Variants in ZSCAN25 observed in about 807,000 individuals in gnomAD.
The protein encoded by ZSCAN25 is zinc finger and SCAN domain-containing protein 25.
In ZSCAN25, 27 loss-of-function variants were observed where a neutral mutation model predicts 38.7. That is an observed-to-expected ratio of 0.70 (90% CI 0.51 to 0.96). The LOEUF (loss-of-function observed/expected upper bound fraction) is 0.96. Ranked by LOEUF, ZSCAN25 falls within the 40% of genes least tolerant of loss-of-function variation. The probability of loss-of-function intolerance (pLI) is 0.00; values close to 1 mark genes in which losing one functional copy is unlikely to be tolerated. For missense variants in ZSCAN25, 637 were observed against 705.9 expected, an observed-to-expected ratio of 0.90 and a Z score of 1.11; for synonymous variants, 273 against 277.7, an observed-to-expected ratio of 0.98 and a Z score of 0.17.
the ZSCAN25 span, chr7:99,672,569 TG>T: frequency 6.2e-7 from 1 of 1,605,720 alleles, no homozygotes; most frequent in Non-Finnish European, 8.5e-7. Context: ...TTTCAAAAAA[TG>T]GATGCTTACC....
At chr7:99,669,881 G>C in the ZSCAN25 span, among the ~76,000 whole-genome samples, 1 of 152,280 alleles carries the variant, frequency 6.6e-6, no homozygotes, top group South Asian at 2.1e-4. Context: ...GTAAAAGAGA[G>C]GGACTTGTAC....
rs1458033031 is a variant in ZSCAN25 at position 99,619,747 on chromosome 7, G to T, written c.141G>T (p.Gln47His). 1 of 1,614,272 alleles carries T rather than the reference G, an allele frequency of 6.2e-7. No individual in the cohort carries two copies. Among genetic ancestry groups the T allele is most frequent in the South Asian group, 1.1e-5 (1 of 91,088 alleles). ...SPETFRLRFRQFRYQEAAGPQ... is the reference protein window; with the variant it reads ...SPETFRLRFRHFRYQEAAGPQ... Reference sequence around the variant, plus strand: ...AGACTTTTCGGCTGAGGTTTCGGCAGTTCCGCTACCAGGAGGCAGCTGGAC... The same window carrying T: ...AGACTTTTCGGCTGAGGTTTCGGCATTTCCGCTACCAGGAGGCAGCTGGAC... Residue 47 changes from glutamine to histidine, a missense_variant, in exon 4 of 8, where the codon CAG becomes CAT. Physicochemically the swap from Gln to His is conservative, Grantham distance 24. Transcript: ENST00000394152.
In ZSCAN25 at chr7:99,629,112, C is replaced by T; in HGVS notation, c.806-79C>T. 2 of 1,501,548 alleles carry T rather than the reference C, an allele frequency of 1.3e-6. No individual in the cohort carries two copies. The highest frequency in any genetic ancestry group is 1.4e-5 in the South Asian group (1 of 72,244). 93.0% of individuals were successfully genotyped at this position (1,501,548 alleles called of 1,614,324 possible). On this transcript the variant is annotated intron_variant, in intron 7 of 7. Coordinates refer to ENST00000394152, the MANE Select transcript of ZSCAN25 (RefSeq NM_145115.3). The surrounding 1 kb of genome is among the most constrained non-coding windows in gnomAD (Gnocchi z 5.6). ...AAAAGAGAAGGAACCATGAATGGGACCCCTGTGAAGCAGAGTTCTAACATG... is the reference window on the plus strand; with the variant it reads ...AAAAGAGAAGGAACCATGAATGGGATCCCTGTGAAGCAGAGTTCTAACATG...
At chr7:99,674,663 G>A in the ZSCAN25 span, 1 of 1,250,470 alleles carries the variant, frequency 8.0e-7, no homozygotes, top group South Asian at 1.3e-5. Flanking sequence ...GCTGAAAACA[G>A]TTGCGTCCAA....
chr7:99,692,327 A>G, the ZSCAN25 span, among the ~76,000 whole-genome samples: 1 of 151,824 alleles, frequency 6.6e-6, no homozygotes, highest in African/African-American at 2.4e-5. Context: ...TGCCCTTAAC[A>G]TTTTTTCCTT....
the ZSCAN25 span, chr7:99,674,185 T>C: frequency 0.051 from 9,782 of 191,400 alleles, 307 homozygotes; most frequent in Middle Eastern, 0.11. Flanking sequence ...AGGACACCTG[T>C]CCAGCAACTG....
chr7:99,701,694 A>G, the ZSCAN25 span, among the ~76,000 whole-genome samples: 717 of 152,322 alleles, frequency 4.7e-3, 5 homozygotes, highest in African/African-American at 0.016. Flanking sequence ...CTGATGATCA[A>G]TGATGTTGAG....
the ZSCAN25 span, among the ~76,000 whole-genome samples, chr7:99,724,209 A>G: frequency 6.6e-6 from 1 of 152,178 alleles, no homozygotes; most frequent in Admixed American, 6.5e-5. Flanking sequence ...TTCAAAACCT[A>G]AAACCCCCTT....
At chr7:99,709,705 C>G in the ZSCAN25 span, among the ~76,000 whole-genome samples, 1 of 152,038 alleles carries the variant, frequency 6.6e-6, no homozygotes, top group Non-Finnish European at 1.5e-5. Flanking sequence ...GGCCAAACTT[C>G]TGGTTCATAA....
the ZSCAN25 span, among the ~76,000 whole-genome samples, chr7:99,643,770 C>G: frequency 2.0e-5 from 3 of 151,482 alleles, no homozygotes; most frequent in East Asian, 5.9e-4. Context: ...GCTTGCATTG[C>G]TCCCCCCTCT....
chr7:99,734,354 TG>T, the ZSCAN25 span, among the ~76,000 whole-genome samples: 3 of 152,196 alleles, frequency 2.0e-5, no homozygotes, highest in African/African-American at 7.2e-5. Context: ...AGGATCTCAC[TG>T]GTGAGAAGAT....
At chr7:99,670,347 A>G in the ZSCAN25 span, among the ~76,000 whole-genome samples, 427 of 152,320 alleles carry the variant, frequency 2.8e-3, 5 homozygotes, top group Non-Finnish European at 4.7e-3. Context: ...AGCATTCCAT[A>G]TGAAACTGAA....
chr7:99,705,705 A>C, the ZSCAN25 span: 1 of 1,349,870 alleles, frequency 7.4e-7, no homozygotes, highest in African/African-American at 1.4e-5. Context: ...AAACATATAA[A>C]AACTACTTTC....
chr7:99,676,640 A>G, the ZSCAN25 span: 16 of 970,566 alleles, frequency 1.6e-5, no homozygotes, highest in East Asian at 7.9e-4. Context: ...GCATCACTGT[A>G]TGCACTCAAT....
the ZSCAN25 span, among the ~76,000 whole-genome samples, chr7:99,691,686 A>G: frequency 2.0e-5 from 3 of 152,016 alleles, no homozygotes; most frequent in South Asian, 2.1e-4. Context: ...GTTGGTTTAA[A>G]GTCTATTTTA....
At chr7:99,632,989 G>GTTTTTTTTTTTTTT (rs751799800), downstream of ZSCAN25, among the ~76,000 whole-genome samples, 6 of 128,524 alleles carry the variant, frequency 4.7e-5, no homozygotes, top group African/African-American at 1.8e-4. Flanking sequence ...ATTTTCTGTT[G>GTTTTTTTTTTTTTT]TTTTTTTTTT....
chr7:99,643,532 C>A, the ZSCAN25 span, among the ~76,000 whole-genome samples: 1 of 151,766 alleles, frequency 6.6e-6, no homozygotes, highest in Admixed American at 6.6e-5. Flanking sequence ...GATGTCAACT[C>A]TTCATGTCAT....
chr7:99,652,609 A>G, the ZSCAN25 span: 6 of 1,613,982 alleles, frequency 3.7e-6, no homozygotes, highest in African/African-American at 1.3e-5. Context: ...GGTGAAGAGC[A>G]TAAGTTGGAA....
chr7:99,620,024 C>T (rs1409074746), intron 4 of ZSCAN25, 31 bp downstream of exon 4: 2 of 1,582,448 alleles, frequency 1.3e-6, no homozygotes. Context: ...GGTCTGGCGC[C>T]CTTGGCGTGG....
Sources: gnomAD v4.1 joint callset for allele counts (sites outside exome capture counted in the v4.1 genomes callset) on GRCh38, gnomAD v4.1.1 for gene constraint, Gnocchi (gnomAD v3.1) non-coding constraint, MANE v1.5 for transcripts, NCBI Gene and HGNC (gene_info 2026-07-23, HGNC 2026-07-21) for gene names.